The following LRRC4C variants were observed in gnomAD, a reference collection of about 807,000 sequenced individuals.
LRRC4C encodes leucine rich repeat containing 4C.
A neutral mutation model predicts 33.6 loss-of-function variants in LRRC4C; 5 were observed. The ratio of observed to expected loss-of-function variants is 0.15; its 90% CI spans 0.08 to 0.31. LRRC4C has a LOEUF of 0.31. LRRC4C is among the 10% of genes least tolerant of loss of function. The pLI is 1.00. For missense variants in LRRC4C, 560 were observed against 796.7 expected (o/e 0.70, Z 3.58); for synonymous variants, 329 against 302.0 (o/e 1.09, Z -0.93).
chr11:40,539,954 G>GT (rs1375824281), intron 3 of LRRC4C, among the ~76,000 whole-genome samples: 7 of 152,162 alleles, frequency 4.6e-5, no homozygotes, highest in African/African-American at 1.7e-4. Flanking sequence ...TGGTATAGAA[G>GT]TAACTTAAAA....
chr11:41,338,473 C>T (rs977243944), intron 1 of LRRC4C, among the ~76,000 whole-genome samples: 5 of 152,088 alleles, frequency 3.3e-5, no homozygotes, highest in African/African-American at 1.2e-4. Flanking sequence ...TGTTCTCCCT[C>T]AGATGTGGGA....
chr11:40,726,737 G>A (rs968327936), intron 2 of LRRC4C, among the ~76,000 whole-genome samples: 2 of 151,932 alleles, frequency 1.3e-5, no homozygotes, highest in African/African-American at 4.8e-5. Flanking sequence ...AGTCAACATA[G>A]TATTGGAAAT....
intron 1 of LRRC4C, among the ~76,000 whole-genome samples, chr11:41,080,919 C>A (rs1939526063): frequency 1.3e-5 from 2 of 152,078 alleles, no homozygotes; most frequent in South Asian, 4.1e-4. Flanking sequence ...CCATGGAAAA[C>A]CTTGCATTGT....
intron 1 of LRRC4C, among the ~76,000 whole-genome samples, chr11:41,199,512 G>A (rs777125591): frequency 1.3e-5 from 2 of 152,116 alleles, no homozygotes; most frequent in Non-Finnish European, 2.9e-5. Context: ...ATACAAAAAT[G>A]TATAGGATTT....
rs528994911 is a variant in LRRC4C at position 40,387,017 on chromosome 11, T to C, written c.-269-67296A>G. ...CAGTTAATAATGATGCAATTTATTATCTGATGGTATTTGAGATGACTTGGA... is the reference window on the plus strand; with the variant it reads ...CAGTTAATAATGATGCAATTTATTACCTGATGGTATTTGAGATGACTTGGA... On this transcript the variant is annotated intron_variant, in intron 3 of 6. Coordinates refer to ENST00000528697, the MANE Select transcript of LRRC4C (RefSeq NM_001258419.2). Among the ~76,000 whole-genome samples, 22 of 152,286 alleles carry C rather than the reference T, an allele frequency of 1.4e-4. No individual in the cohort carries two copies. In the South Asian group the frequency reaches 4.3e-3, roughly 30 times the overall value.
rs184078419 is a variant in LRRC4C, at chr11:40,656,236, C to T, written c.-406-7958G>A. On this transcript the variant is annotated intron_variant, in intron 2 of 6. Coordinates refer to ENST00000528697, the MANE Select transcript of LRRC4C (RefSeq NM_001258419.2). ...CTGTTTTTCTTTTTTTTTTTGTCCACTCATCTCTAATCCTTCTTTTCTACT... is the reference window on the plus strand; with the variant it reads ...CTGTTTTTCTTTTTTTTTTTGTCCATTCATCTCTAATCCTTCTTTTCTACT... 3.3e-5 allele frequency among the ~76,000 whole-genome samples: 5 copies of T among 150,626 alleles called. No individual in the cohort carries two copies. The East Asian group carries it at 7.8e-4, about 24-fold the overall frequency.
chr11:40,268,045 G>A (rs1942411876), intron 4 of LRRC4C, among the ~76,000 whole-genome samples: 1 of 152,148 alleles, frequency 6.6e-6, no homozygotes, highest in South Asian at 2.1e-4. Flanking sequence ...TCTTTTCTGA[G>A]AATGGCGTAC....
chr11:40,547,909 G>A (rs1956988373), intron 3 of LRRC4C, among the ~76,000 whole-genome samples: 1 of 152,106 alleles, frequency 6.6e-6, no homozygotes, highest in Admixed American at 6.6e-5. Context: ...CTACGTGCCA[G>A]ACACTGTTCT....
chr11:40,302,813 T>C (rs1395637779), intron 4 of LRRC4C, among the ~76,000 whole-genome samples: 2 of 152,166 alleles, frequency 1.3e-5, no homozygotes, highest in African/African-American at 4.8e-5. Context: ...AGAAAGGGTG[T>C]ATGCTTGATC....
chr11:41,112,312 G>C (rs545165797), intron 1 of LRRC4C, among the ~76,000 whole-genome samples: 2 of 152,140 alleles, frequency 1.3e-5, no homozygotes, highest in South Asian at 4.2e-4. Flanking sequence ...CTGGAGAGCA[G>C]ACACTTCGGC....
At chr11:40,796,758 T>C (rs536973206) in intron 2 of LRRC4C, among the ~76,000 whole-genome samples, 2 of 150,844 alleles carry the variant, frequency 1.3e-5, no homozygotes, top group South Asian at 2.1e-4. Flanking sequence ...CCGACTCTCC[T>C]GCCTCAGCCA....
chr11:40,834,533 T>C (rs1184716205), intron 2 of LRRC4C, among the ~76,000 whole-genome samples: 3 of 151,156 alleles, frequency 2.0e-5, no homozygotes, highest in Admixed American at 6.6e-5. Context: ...CTACTTCTAG[T>C]AGTGGGGAAA....
At chr11:40,535,288 G>A (rs1956424315) in intron 3 of LRRC4C, among the ~76,000 whole-genome samples, 1 of 152,108 alleles carries the variant, frequency 6.6e-6, no homozygotes, top group South Asian at 2.1e-4. Context: ...GGTAGCATTC[G>A]ATCTGCAATT....
chr11:40,890,451 G>A (rs1166446182), intron 2 of LRRC4C, among the ~76,000 whole-genome samples: 13 of 152,058 alleles, frequency 8.5e-5, no homozygotes, highest in Admixed American at 7.2e-4. Flanking sequence ...GAGGGCAAAG[G>A]CCTCATGACC....
At chr11:40,960,531 T>A (rs1027349569) in intron 1 of LRRC4C, among the ~76,000 whole-genome samples, 1 of 151,722 alleles carries the variant, frequency 6.6e-6, no homozygotes, top group East Asian at 1.9e-4. Flanking sequence ...GAGAACATAG[T>A]GTGACCTCTG....
At chr11:40,898,848 A>G (rs1028734427) in intron 2 of LRRC4C, among the ~76,000 whole-genome samples, 17 of 152,144 alleles carry the variant, frequency 1.1e-4, no homozygotes, top group African/African-American at 4.1e-4. Flanking sequence ...CCCTAAGCAC[A>G]TGCTGGCCAT....
At chr11:40,657,882 A>G (rs1282123459) in intron 2 of LRRC4C, among the ~76,000 whole-genome samples, 1 of 152,182 alleles carries the variant, frequency 6.6e-6, no homozygotes, top group Non-Finnish European at 1.5e-5. Flanking sequence ...GGAGCCTTCC[A>G]CTTAGCTTCA....
chr11:40,812,844 C>T (rs1307317892), intron 2 of LRRC4C, among the ~76,000 whole-genome samples: 4 of 151,966 alleles, frequency 2.6e-5, no homozygotes, highest in African/African-American at 9.7e-5. Context: ...TATAACACAT[C>T]TGCAAAACAT....
chr11:40,712,218 A>G (rs1946502601), intron 2 of LRRC4C, among the ~76,000 whole-genome samples: 2 of 152,186 alleles, frequency 1.3e-5, no homozygotes, highest in Admixed American at 6.5e-5. Flanking sequence ...AAAGGAATGT[A>G]TCTCAAACCA....
Sources: allele counts gnomAD v4.1 joint callset (sites outside exome capture counted in the v4.1 genomes callset), GRCh38; gene constraint gnomAD v4.1.1; transcripts MANE v1.5; gene names NCBI Gene and HGNC (gene_info 2026-07-23, HGNC 2026-07-21).